The following KLB variants were observed in gnomAD, a reference collection of about 807,000 sequenced individuals.
KLB encodes the protein klotho beta.
KLB carries 44 observed loss-of-function variants against 88.4 expected under a neutral mutation model. The observed-to-expected ratio is 0.50, with a 90% confidence interval of 0.39 to 0.64. KLB has a LOEUF of 0.64. Among genes scored for constraint, KLB ranks in the 30% least tolerant of loss-of-function variants. The pLI is 0.00. For missense variants in KLB, 1,137 were observed against 1,304.8 expected (o/e 0.87, Z 1.98); for synonymous variants, 548 against 513.4 (o/e 1.07, Z -0.91).
intron 1 of KLB, among the ~76,000 whole-genome samples, chr4:39,421,353 T>C (rs778786986): frequency 6.6e-6 from 1 of 152,218 alleles, no homozygotes; most frequent in East Asian, 1.9e-4. Flanking sequence ...TATAACTTTG[T>C]GTAATGAACA....
chr4:39,420,105 T>C (rs1224271986), intron 1 of KLB, among the ~76,000 whole-genome samples: 3 of 152,110 alleles, frequency 2.0e-5, no homozygotes, highest in Non-Finnish European at 2.9e-5. Flanking sequence ...CAGAAGTAAT[T>C]AAAGTAATCC....
Position 39,450,652 on chromosome 4 carries a change from A to C in KLB, c.*1966A>C, listed in dbSNP as rs183859671. 1 of 152,310 alleles carries C rather than the reference A, an allele frequency of 6.6e-6. No homozygotes were observed. Among genetic ancestry groups the C allele is most frequent in the East Asian group, 1.9e-4 (1 of 5,188 alleles). The allele number at this position is 152,310 out of a possible 1,614,324, so 9.4% of individuals were successfully genotyped here. On this transcript the variant is annotated 3_prime_UTR_variant, in exon 5 of 5. Coordinates refer to ENST00000257408, the MANE Select transcript of KLB (RefSeq NM_175737.4). ...TTAGTATTAACATCTCCCTCTGAGAACTATGTACCTAAGGTCACGCATACA... is the reference window on the plus strand; with the variant it reads ...TTAGTATTAACATCTCCCTCTGAGACCTATGTACCTAAGGTCACGCATACA...
In KLB at chr4:39,434,714, C is replaced by T. The variant is rs1578210430; in HGVS notation, c.1330C>T (p.Leu444Phe). ...YMMKNFLSQVLQAIRLDEIRV... is the reference protein window; with the variant it reads ...YMMKNFLSQVFQAIRLDEIRV... ...GATGAAGAATTTCCTCAGCCAGGTGCTTCAAGGTTGGTTGTACACTTGCTT... is the reference window on the plus strand; with the variant it reads ...GATGAAGAATTTCCTCAGCCAGGTGTTTCAAGGTTGGTTGTACACTTGCTT... Residue 444 changes from leucine to phenylalanine, a missense_variant, in exon 2 of 5, where the codon CTT (leucine) becomes TTT (phenylalanine). Coordinates refer to ENST00000257408, the MANE Select transcript of KLB (RefSeq NM_175737.4). 1 of 1,610,342 alleles carries T rather than the reference C, an allele frequency of 6.2e-7. No individual in the cohort carries two copies. Among genetic ancestry groups the T allele is most frequent in the African/African-American group, 1.3e-5 (1 of 74,762 alleles).
At chr4:39,445,194 T>C (rs1357124602) in intron 3 of KLB, among the ~76,000 whole-genome samples, 2 of 152,096 alleles carry the variant, frequency 1.3e-5, no homozygotes, top group African/African-American at 2.4e-5. Flanking sequence ...CTTCCCAGAG[T>C]CACTGAGTCC....
intron 3 of KLB, among the ~76,000 whole-genome samples, chr4:39,443,792 T>G (rs114757500): frequency 6.8e-6 from 1 of 147,014 alleles, no homozygotes; most frequent in South Asian, 2.2e-4. Context: ...AAAGAAGAAA[T>G]CTGATGTTGA....
At chr4:39,413,285 T>C (rs1243039429) in intron 1 of KLB, among the ~76,000 whole-genome samples, 1 of 152,234 alleles carries the variant, frequency 6.6e-6, no homozygotes, top group Non-Finnish European at 1.5e-5. Flanking sequence ...AATAAATACA[T>C]GTAATAATTT....
chr4:39,438,076 T>C, intron 3 of KLB, 81 bp downstream of exon 3: 3 of 1,308,792 alleles, frequency 2.3e-6, no homozygotes, highest in Non-Finnish European at 3.2e-6. Context: ...AGCTAAGAGA[T>C]AGCTGTCAGA....
chr4:39,425,389 A>G (rs1743182861), intron 1 of KLB, among the ~76,000 whole-genome samples: 1 of 152,222 alleles, frequency 6.6e-6, no homozygotes, highest in Non-Finnish European at 1.5e-5. Context: ...TCCTTCAGGA[A>G]AATTCTGAGA....
intron 1 of KLB, among the ~76,000 whole-genome samples, chr4:39,410,764 C>A (rs73238581): frequency 0.28 from 42,903 of 152,012 alleles, 6,542 homozygotes; most frequent in Non-Finnish European, 0.35. Context: ...AAACTGAATT[C>A]TGGGGGGGTA....
At chr4:39,419,773 CAAAAAAAAA>C (rs35079093) in intron 1 of KLB, among the ~76,000 whole-genome samples, 5 of 71,274 alleles carry the variant, frequency 7.0e-5, no homozygotes, top group Admixed American at 3.5e-4. Flanking sequence ...AATTCCATCT[CAAAAAAAAA>C]AAAAAAAAAA....
intron 1 of KLB, among the ~76,000 whole-genome samples, chr4:39,410,766 G>C (rs1055454161): frequency 6.6e-6 from 1 of 152,040 alleles, no homozygotes; most frequent in Admixed American, 6.6e-5. Flanking sequence ...ACTGAATTCT[G>C]GGGGGGTATG....
chr4:39,443,375 C>T (rs866526438), intron 3 of KLB, among the ~76,000 whole-genome samples: 1 of 150,926 alleles, frequency 6.6e-6, no homozygotes, highest in Non-Finnish European at 1.5e-5. Flanking sequence ...CCTCCCTACT[C>T]CCCCCAAAAA....
At chr4:39,426,201 G>A (rs1451629302) in intron 1 of KLB, among the ~76,000 whole-genome samples, 5 of 149,066 alleles carry the variant, frequency 3.4e-5, no homozygotes, top group East Asian at 2.0e-4. Flanking sequence ...GCAGTGAGCC[G>A]AGATTGTGAC....
intron 2 of KLB, among the ~76,000 whole-genome samples, chr4:39,435,706 A>G (rs1743459285): frequency 6.6e-6 from 1 of 152,072 alleles, no homozygotes; most frequent in African/African-American, 2.4e-5. Flanking sequence ...GATTACAGGC[A>G]TGAGCCACCA....
rs559626498 is a variant in KLB at position 39,448,626 on chromosome 4, T to C, written c.3075T>C (p.Phe1025=). The change falls in exon 5 of 5, where the codon TTT becomes TTC. Residue 1025 remains phenylalanine (F), a synonymous_variant. Coordinates refer to ENST00000257408, the MANE Select transcript of KLB (RefSeq NM_175737.4). ...AIFQRQKRRK[F]WKAKNLQHIP... ...TTCAAAGGCAGAAGAGAAGAAAGTTTTGGAAAGCAAAAAACTTACAACACA... is the reference window on the plus strand; with the variant it reads ...TTCAAAGGCAGAAGAGAAGAAAGTTCTGGAAAGCAAAAAACTTACAACACA... The C allele has an allele frequency of 1.9e-6, 3 of 1,613,868 alleles. No individual in the cohort carries two copies. The South Asian group carries it at 3.3e-5, about 18-fold the overall frequency.
At chr4:39,420,388 T>G (rs1743055168) in intron 1 of KLB, among the ~76,000 whole-genome samples, 1 of 152,158 alleles carries the variant, frequency 6.6e-6, no homozygotes, top group African/African-American at 2.4e-5. Context: ...TTCCTTAATA[T>G]AGAATGAAAT....
chr4:39,447,158 G>A lies in KLB; in HGVS notation c.2432G>A (p.Arg811Lys), dbSNP rs1421729586. The A allele has an allele frequency of 3.1e-6, 5 of 1,613,810 alleles. No individual in the cohort carries two copies. The highest frequency in any genetic ancestry group is 3.3e-5 in the Admixed American group (2 of 60,030). ...CTGCCGCGCCTCACCGAGGCCGAAAGGAGGCTGCTCAAGGGCACGGTCGAC... is the reference window on the plus strand; with the variant it reads ...CTGCCGCGCCTCACCGAGGCCGAAAAGAGGCTGCTCAAGGGCACGGTCGAC... Reference protein sequence around the residue: ...SALPRLTEAERRLLKGTVDFC... With the variant: ...SALPRLTEAEKRLLKGTVDFC... Residue 811 changes from arginine (R) to lysine (K), a missense_variant, in exon 4 of 5, where the codon AGG (arginine) becomes AAG (lysine). Physicochemically the swap from Arg to Lys is conservative, Grantham distance 26. This residue lies in a region of KLB where 426 missense variants were observed against 404.6 expected (regional missense o/e 1.05). Transcript: ENST00000257408.
rs779867047 is a variant in KLB, at chr4:39,446,802, C to T, written c.2076C>T (p.Asn692=). The T allele has an allele frequency of 6.2e-7, 1 of 1,612,462 alleles. No individual in the cohort carries two copies. Among genetic ancestry groups the T allele is most frequent in the South Asian group, 1.1e-5 (1 of 90,864 alleles). Residue 692 remains asparagine, a synonymous_variant, in exon 4 of 5, where the codon AAC becomes AAT. Coordinates refer to ENST00000257408, the MANE Select transcript of KLB (RefSeq NM_175737.4). The surrounding 1 kb of genome is among the most constrained non-coding windows in gnomAD (Gnocchi z 6.4). ...TGGTGAAGCTCTGGATCACCATCAACGAGCCTAACCGGCTAAGTGACATCT... is the reference window on the plus strand; with the variant it reads ...TGGTGAAGCTCTGGATCACCATCAATGAGCCTAACCGGCTAAGTGACATCT... The part of the protein sequence containing the change: ...GDLVKLWITI[N]EPNRLSDIYN...
rs1463523954 is a variant in KLB, at chr4:39,443,660, C to T, written c.1606-2672C>T. On this transcript the variant is annotated intron_variant, in intron 3 of 4. Transcript: ENST00000257408. ...CTTGTAATCCCAGCTACTTGGGAGG[C>T]GGAGGCAGAAGAATCACTTGAACCT... Among the ~76,000 whole-genome samples, 5 of 146,226 alleles carry T rather than the reference C, an allele frequency of 3.4e-5. 1 individual carries two copies. The highest frequency in any genetic ancestry group is 1.3e-4 in the African/African-American group (5 of 39,386).
Sources: gnomAD v4.1 joint callset for allele counts (sites outside exome capture counted in the v4.1 genomes callset) on GRCh38, gnomAD v4.1.1 for gene constraint, gnomAD v4.1.1 regional missense constraint, Gnocchi (gnomAD v3.1) non-coding constraint, MANE v1.5 for transcripts, NCBI Gene and HGNC (gene_info 2026-07-23, HGNC 2026-07-21) for gene names.